The following ANGPTL1 variants were observed in gnomAD, a reference collection of about 807,000 sequenced individuals.
The protein encoded by ANGPTL1 is angiopoietin like 1, also known as angiopoietin-related protein 1.
A neutral mutation model predicts 46.7 loss-of-function variants in ANGPTL1; 36 were observed. The observed-to-expected ratio is 0.77, with a 90% CI of 0.59 to 1.02. The LOEUF is 1.02. Among genes scored for constraint, ANGPTL1 ranks in the 50% least tolerant of loss-of-function variants. The probability of loss-of-function intolerance (pLI) is 0.00; values close to 1 mark genes in which losing one functional copy is unlikely to be tolerated. For missense variants in ANGPTL1, 571 were observed against 594.7 expected (o/e 0.96, Z 0.41); for synonymous variants, 221 against 204.3 (o/e 1.08, Z -0.69).
chr1:178,851,441 A>G, intron 5 of ANGPTL1, 125 bp from the exon 6 acceptor site: 1 of 841,024 alleles, frequency 1.2e-6, no homozygotes, highest in Non-Finnish European at 1.7e-6. Flanking sequence ...CCTTTATCTC[A>G]GCAGTTTTAA....
intron 3 of ANGPTL1, among the ~76,000 whole-genome samples, chr1:178,856,609 A>G (rs150345874): frequency 2.7e-5 from 4 of 150,856 alleles, no homozygotes; most frequent in African/African-American, 7.3e-5. Context: ...TCTGGGATAG[A>G]CTCAACTTAG....
At chr1:178,862,148 C>T (rs982757636) in intron 3 of ANGPTL1, among the ~76,000 whole-genome samples, 17 of 152,110 alleles carry the variant, frequency 1.1e-4, no homozygotes, top group Non-Finnish European at 4.4e-5. Context: ...GTTGAGATTA[C>T]AGGCATGAGC....
chr1:178,857,567 A>C (rs895972760), intron 3 of ANGPTL1, among the ~76,000 whole-genome samples: 7 of 152,196 alleles, frequency 4.6e-5, no homozygotes, highest in Non-Finnish European at 7.4e-5. Context: ...CATTGCTCTT[A>C]CTTTAAAACC....
intron 4 of ANGPTL1, 150 bp from the exon 5 acceptor site, chr1:178,853,103 A>G (rs980771982): frequency 7.0e-7 from 1 of 1,419,070 alleles, no homozygotes; most frequent in Non-Finnish European, 9.2e-7. Context: ...CTTGCGTTTT[A>G]TAAGCCACAC....
chr1:178,860,983 C>T (rs1214391009), intron 3 of ANGPTL1, among the ~76,000 whole-genome samples: 1 of 152,034 alleles, frequency 6.6e-6, no homozygotes, highest in African/African-American at 2.4e-5. Context: ...TTTGTTGTTG[C>T]TTGTAGTAAT....
chr1:178,851,369 C>G (rs771997369), intron 5 of ANGPTL1, 53 bp from the exon 6 acceptor site: 69 of 1,463,596 alleles, frequency 4.7e-5, no homozygotes, highest in Non-Finnish European at 5.2e-5. Flanking sequence ...AGGTGTGGTA[C>G]TCTGCAATCA....
chr1:178,869,884 A>G (rs1201678515), intron 1 of ANGPTL1, among the ~76,000 whole-genome samples: 1 of 152,096 alleles, frequency 6.6e-6, no homozygotes, highest in Non-Finnish European at 1.5e-5. Flanking sequence ...AAAAGCTCCC[A>G]GATAGAATAT....
Position 178,865,134 on chromosome 1 carries a change from G to C in ANGPTL1, c.643C>G (p.Leu215Val). The C allele has an allele frequency of 6.3e-7, 1 of 1,594,136 alleles. No homozygotes were observed. Among genetic ancestry groups the C allele is most frequent in the Non-Finnish European group, 8.6e-7 (1 of 1,168,174 alleles). The change falls in exon 3 of 6, where the codon CTT becomes GTT. Residue 215 changes from leucine (L) to valine (V), a missense_variant. Transcript: ENST00000234816. ...SRQDTHVSPP[L>V]VQVVPQHIPN... ...ATATGTTGTGGCACCACCTGGACAA[G>C]TGGGGGAGACACATGGGTGTCTTGT...
At chr1:178,858,765 G>A (rs932531529) in intron 3 of ANGPTL1, among the ~76,000 whole-genome samples, 4 of 152,152 alleles carry the variant, frequency 2.6e-5, no homozygotes, top group Non-Finnish European at 5.9e-5. Context: ...GAATAGAACA[G>A]TGAGTTAAAA....
At chr1:178,863,013 A>T (rs1388674280) in intron 3 of ANGPTL1, among the ~76,000 whole-genome samples, 1 of 152,334 alleles carries the variant, frequency 6.6e-6, no homozygotes, top group East Asian at 1.9e-4. Flanking sequence ...CAATTGTTAA[A>T]TCTTATGCAG....
chr1:178,863,222 T>C (rs1219004617), intron 3 of ANGPTL1, among the ~76,000 whole-genome samples: 1 of 151,838 alleles, frequency 6.6e-6, no homozygotes, highest in Non-Finnish European at 1.5e-5. Context: ...GGGACATGAG[T>C]AGAATTCAGT....
chr1:178,853,545 G>T, intron 4 of ANGPTL1, 49 bp downstream of exon 4: 5 of 1,377,110 alleles, frequency 3.6e-6, no homozygotes, highest in Non-Finnish European at 4.8e-6. Flanking sequence ...TTGCATTATT[G>T]CAAGAATGGA....
At chr1:178,870,123 A>C (rs1176244016) in intron 1 of ANGPTL1, among the ~76,000 whole-genome samples, 1 of 152,162 alleles carries the variant, frequency 6.6e-6, no homozygotes, top group African/African-American at 2.4e-5. Context: ...TATTACATGT[A>C]AGCCTGGAAA....
chr1:178,856,420 T>TTTTTTTTTTTTTTTTTTTG (rs1558152822), intron 3 of ANGPTL1, among the ~76,000 whole-genome samples: 1 of 120,566 alleles, frequency 8.3e-6, no homozygotes, highest in African/African-American at 3.5e-5. Context: ...TTTTTTTTTT[T>TTTTTTTTTTTTTTTTTTTG]TTTTTTGAGA....
chr1:178,856,202 G>GAGAGAGATATATATATAT (rs1428022812), intron 3 of ANGPTL1, among the ~76,000 whole-genome samples: 5 of 83,912 alleles, frequency 6.0e-5, no homozygotes, highest in African/African-American at 3.2e-4. Context: ...GAGAGAGAGA[G>GAGAGAGATATATATATAT]ATATATATAT....
chr1:178,854,923 T>C (rs941550890), intron 3 of ANGPTL1, among the ~76,000 whole-genome samples: 3 of 152,284 alleles, frequency 2.0e-5, no homozygotes, highest in Admixed American at 6.5e-5. Flanking sequence ...ATATCATCCT[T>C]CTCCAGTGTT....
Position 178,861,467 on chromosome 1 carries a change from A to G in ANGPTL1, c.823+3487T>C, listed in dbSNP as rs79976173. Among the ~76,000 whole-genome samples, 1,288 of 151,418 alleles carry G rather than the reference A, an allele frequency of 8.5e-3. 14 individuals are homozygous for G. Among genetic ancestry groups the G allele is most frequent in the African/African-American group, 0.029 (1,200 of 41,328 alleles). Reference sequence around the variant, plus strand: ...ATTCGTGGGTTTTTTTTTTTGTACTAATGCTAAGTGTATAATAAAACATAG... The same window carrying G: ...ATTCGTGGGTTTTTTTTTTTGTACTGATGCTAAGTGTATAATAAAACATAG... On this transcript the variant is annotated intron_variant, in intron 3 of 5. Coordinates refer to ENST00000234816, the MANE Select transcript of ANGPTL1 (RefSeq NM_004673.4).
chr1:178,856,202 G>GATATATATATATATATATATATATAT (rs55797277), intron 3 of ANGPTL1, among the ~76,000 whole-genome samples: 6 of 83,898 alleles, frequency 7.2e-5, no homozygotes, highest in African/African-American at 2.6e-4. Flanking sequence ...GAGAGAGAGA[G>GATATATATATATATATATATATATAT]ATATATATAT....
Position 178,870,955 on chromosome 1 carries a change from T to C in ANGPTL1, c.-351A>G, listed in dbSNP as rs1487288535. 1 of 152,200 alleles carries C rather than the reference T, an allele frequency of 6.6e-6. No homozygotes were observed. Among genetic ancestry groups the C allele is most frequent in the East Asian group, 1.9e-4 (1 of 5,200 alleles). 9.4% of individuals were successfully genotyped at this position (152,200 alleles called of 1,614,324 possible). A position where few individuals can be genotyped will look rare whatever the true frequency, so the allele number is the denominator to read the frequency against. ...GCCACCTATGTAATTTTAAGTAGTATAGTGGAAGTTCTGGTCTGTGGGCCG... is the reference window on the plus strand; with the variant it reads ...GCCACCTATGTAATTTTAAGTAGTACAGTGGAAGTTCTGGTCTGTGGGCCG... On this transcript the variant is annotated 5_prime_UTR_variant, in exon 1 of 6. Transcript: ENST00000234816.
Sources: gnomAD v4.1 joint callset for allele counts (sites outside exome capture counted in the v4.1 genomes callset) on GRCh38, gnomAD v4.1.1 for gene constraint, MANE v1.5 for transcripts, NCBI Gene and HGNC (gene_info 2026-07-23, HGNC 2026-07-21) for gene names.